The following NUP133 variants were observed in gnomAD, a reference collection of about 807,000 sequenced individuals.
NUP133 encodes the protein nuclear pore complex protein Nup133.
In NUP133, 66 loss-of-function variants were observed where a neutral mutation model predicts 146.2. That is an observed-to-expected ratio of 0.45 (90% CI 0.37 to 0.55). The LOEUF (loss-of-function observed/expected upper bound fraction) is 0.55, where lower values mean the gene tolerates loss of function less well. Ranked by LOEUF, NUP133 falls within the 20% of genes least tolerant of loss-of-function variation. The pLI is 0.00. For synonymous variants in NUP133, 521 were observed against 498.8 expected, an observed-to-expected ratio of 1.04 and a Z score of -0.59; for missense variants, 1,277 against 1,374.8, an observed-to-expected ratio of 0.93 and a Z score of 1.12.
At chr1:229,501,826 C>T (rs1661808406) in intron 3 of NUP133, among the ~76,000 whole-genome samples, 173 bp downstream of exon 3, 2 of 152,150 alleles carry the variant, frequency 1.3e-5, no homozygotes, top group East Asian at 1.9e-4. Flanking sequence ...TTTCCCAATA[C>T]ACAAATGTGT....
intron 23 of NUP133, among the ~76,000 whole-genome samples, chr1:229,450,293 T>C (rs886686377): frequency 6.6e-6 from 1 of 152,184 alleles, no homozygotes; most frequent in Admixed American, 6.5e-5. Context: ...GCAGTATTTA[T>C]CTGTGCACAA....
chr1:229,472,242 C>T (rs1180953269), intron 14 of NUP133, among the ~76,000 whole-genome samples: 2 of 150,442 alleles, frequency 1.3e-5, no homozygotes, highest in Non-Finnish European at 2.9e-5. Flanking sequence ...TGGCATGAAC[C>T]AGGGAAGCGG....
chr1:229,508,297 T>C lies in NUP133; in HGVS notation c.-48A>G, dbSNP rs972664172. On this transcript the variant is annotated 5_prime_UTR_variant, in exon 1 of 26. Transcript: ENST00000261396. ...GACAGCGAGGGATCTGGCCGTCAGG[T>C]TGCAGCCTGGCCTGCGCGCGGAACT... 7.3e-6 allele frequency: 10 copies of C among 1,360,956 alleles called. No individual in the cohort carries two copies. Among genetic ancestry groups the C allele is most frequent in the Non-Finnish European group, 9.6e-6 (10 of 1,041,384 alleles). 84.3% of individuals were successfully genotyped at this position (1,360,956 alleles called of 1,614,324 possible).
At chr1:229,506,764 C>T (rs572646655) in intron 1 of NUP133, among the ~76,000 whole-genome samples, 2 of 148,040 alleles carry the variant, frequency 1.4e-5, no homozygotes, top group South Asian at 4.3e-4. Context: ...TTAAATTAGC[C>T]GGGCATTGTG....
intron 14 of NUP133, among the ~76,000 whole-genome samples, chr1:229,471,792 T>C (rs1225020731): frequency 6.6e-6 from 1 of 152,250 alleles, no homozygotes; most frequent in Non-Finnish European, 1.5e-5. Context: ...AGTATTTACA[T>C]GCTAGGAGAT....
chr1:229,441,179 G>A lies in NUP133; in HGVS notation c.*725C>T, dbSNP rs1660174566. 1 of 334,708 alleles carries A rather than the reference G, an allele frequency of 3.0e-6. No homozygotes were observed. The highest frequency in any genetic ancestry group is 3.9e-5 in the Admixed American group (1 of 25,898). The allele number at this position is 334,708 out of a possible 1,614,324, so 20.7% of individuals were successfully genotyped here. Reference sequence around the variant, plus strand: ...TAGGCAGACTGTGGTAAAGATTCATGAGTCATTCTGAAAATACATGAGGCT... The same window carrying A: ...TAGGCAGACTGTGGTAAAGATTCATAAGTCATTCTGAAAATACATGAGGCT... On this transcript the variant is annotated 3_prime_UTR_variant, in exon 26 of 26. Transcript: ENST00000261396.
chr1:229,477,572 C>A (rs79877213), intron 13 of NUP133, 25 bp downstream of exon 13: 3 of 1,572,970 alleles, frequency 1.9e-6, no homozygotes, highest in East Asian at 4.5e-5. Context: ...CAAAACACAC[C>A]GTTCCATAAT....
intron 12 of NUP133, among the ~76,000 whole-genome samples, chr1:229,480,364 G>A (rs1474659322): frequency 6.6e-6 from 1 of 152,150 alleles, no homozygotes; most frequent in East Asian, 1.9e-4. Flanking sequence ...TGAAGCTGGT[G>A]ACCCAGTCAC....
intron 16 of NUP133, among the ~76,000 whole-genome samples, chr1:229,465,892 C>CAAAAAAAAAAAAAAAA (rs71561801): frequency 1.3e-5 from 1 of 77,352 alleles, no homozygotes; most frequent in African/African-American, 4.4e-5. Flanking sequence ...CCATGTCTCA[C>CAAAAAAAAAAAAAAAA]AAAAAAAAAA....
rs1661749609 is a variant in NUP133 at position 229,499,739 on chromosome 1, T to G, written c.593A>C (p.Glu198Ala). The change falls in exon 5 of 26, where the codon GAG (glutamate) becomes GCG (alanine). Residue 198 changes from glutamate to alanine, a missense_variant. Physicochemically the swap from Glu to Ala is moderately radical, Grantham distance 107. Coordinates refer to ENST00000261396, the MANE Select transcript of NUP133 (RefSeq NM_018230.3). ...PSLAGEDTYT[E>A]AFVDSGGDKT... is the part of the protein sequence containing the mutation. ...ATCACCTCCCGAATCTACAAAAGCCTCTGTGTAGGTATCTTCACCAGCAAG... is the reference window on the plus strand; with the variant it reads ...ATCACCTCCCGAATCTACAAAAGCCGCTGTGTAGGTATCTTCACCAGCAAG... The G allele has an allele frequency of 1.2e-6, 2 of 1,614,018 alleles. No individual in the cohort carries two copies.
At chr1:229,500,315 ATT>A (rs1360111407) in intron 4 of NUP133, among the ~76,000 whole-genome samples, 10 of 151,726 alleles carry the variant, frequency 6.6e-5, no homozygotes, top group African/African-American at 2.4e-4. Context: ...GGTCATGATG[ATT>A]TTCTTCTGTT....
At position 229,506,050 on chromosome 1, in the gene NUP133, T is replaced by C. The variant is rs758728501; in HGVS notation, c.291A>G (p.Thr97=). The change falls in exon 2 of 26, where the codon ACA becomes ACG. Residue 97 remains threonine, a synonymous_variant. Transcript: ENST00000261396. ...AAAGATGACACCTACCTTCAGCCAATGTTAGGGCTTCCATGACTTTAACAG... is the reference window on the plus strand; with the variant it reads ...AAAGATGACACCTACCTTCAGCCAACGTTAGGGCTTCCATGACTTTAACAG... ...SLPVKVMEAL[T]LAEVDDQLTI... The C allele has an allele frequency of 5.6e-6, 9 of 1,593,628 alleles. No homozygotes were observed. Among genetic ancestry groups the C allele is most frequent in the Non-Finnish European group, 7.7e-6 (9 of 1,161,558 alleles).
At position 229,505,258 on chromosome 1, in the gene NUP133, G is replaced by C. The variant is rs115709392; in HGVS notation, c.301+782C>G. On this transcript the variant is annotated intron_variant, in intron 2 of 25. Coordinates refer to ENST00000261396, the MANE Select transcript of NUP133 (RefSeq NM_018230.3). Reference sequence around the variant, plus strand: ...ATTTTAGTTAATGACCCCAAACGAAGTACAAGAGTAGTGCTGCTGGTATAT... The same window carrying C: ...ATTTTAGTTAATGACCCCAAACGAACTACAAGAGTAGTGCTGCTGGTATAT... Among the ~76,000 whole-genome samples the C allele has an allele frequency of 6.8e-3, 1,035 of 152,124 alleles. 6 individuals are homozygous for C. Among genetic ancestry groups the C allele is most frequent in the Middle Eastern group, 0.024 (7 of 294 alleles).
At chr1:229,446,015 C>A (rs1228466002) in intron 24 of NUP133, among the ~76,000 whole-genome samples, 2 of 152,142 alleles carry the variant, frequency 1.3e-5, no homozygotes, top group East Asian at 3.8e-4. Flanking sequence ...AGAATTTGTT[C>A]CTTCAACTGA....
intron 13 of NUP133, among the ~76,000 whole-genome samples, chr1:229,476,502 C>T (rs939087907): frequency 1.3e-4 from 20 of 152,294 alleles, no homozygotes; most frequent in African/African-American, 3.8e-4. Context: ...GGGGCAGTCA[C>T]CTGGGACAGG....
chr1:229,496,362 T>A (rs1661656500), intron 6 of NUP133, among the ~76,000 whole-genome samples: 1 of 152,106 alleles, frequency 6.6e-6, no homozygotes, highest in Non-Finnish European at 1.5e-5. Context: ...TAGTCCCAGC[T>A]ACTCAGGAGA....
At chr1:229,477,457 G>T in intron 13 of NUP133, 140 bp downstream of exon 13, 1 of 539,986 alleles carries the variant, frequency 1.9e-6, no homozygotes, top group Non-Finnish European at 2.8e-6. Context: ...AAAAAAAAAA[G>T]GAAGGTCACA....
intron 20 of NUP133, among the ~76,000 whole-genome samples, chr1:229,458,867 C>G (rs1371923240): frequency 6.6e-6 from 1 of 151,962 alleles, no homozygotes; most frequent in Non-Finnish European, 1.5e-5. Context: ...GAGCCACAGG[C>G]ACCCAGCCTG....
At chr1:229,473,437 A>G (rs1226002044) in intron 14 of NUP133, among the ~76,000 whole-genome samples, 5 of 152,194 alleles carry the variant, frequency 3.3e-5, no homozygotes, top group Non-Finnish European at 7.3e-5. Context: ...TACTGCTACC[A>G]GCAGCCGTGG....
Sources: allele counts gnomAD v4.1 joint callset (sites outside exome capture counted in the v4.1 genomes callset), GRCh38; gene constraint gnomAD v4.1.1; transcripts MANE v1.5; gene names NCBI Gene and HGNC (gene_info 2026-07-23, HGNC 2026-07-21).